The following PCDHGB7 variants were observed in gnomAD, a reference collection of about 807,000 sequenced individuals.
PCDHGB7 encodes the protein protocadherin gamma subfamily B, 7, also known as protocadherin gamma-B7.
In PCDHGB7, 37 loss-of-function variants were observed where a neutral mutation model predicts 61.4. The ratio of observed to expected loss-of-function variants is 0.60; its 90% CI spans 0.46 to 0.79. PCDHGB7 has a LOEUF of 0.79. PCDHGB7 is among the 30% of genes least tolerant of loss of function. The pLI is 0.00. For missense variants in PCDHGB7, 1,166 were observed against 1,202.5 expected, an observed-to-expected ratio of 0.97 and a Z score of 0.45; for synonymous variants, 464 against 503.5, an observed-to-expected ratio of 0.92 and a Z score of 1.05.
At chr5:141,460,335 T>C (rs1201595717) in intron 1 of PCDHGB7, among the ~76,000 whole-genome samples, 3 of 152,194 alleles carry the variant, frequency 2.0e-5, no homozygotes, top group Non-Finnish European at 4.4e-5. Flanking sequence ...CTTATGATGA[T>C]TTTCTCCTAT....
chr5:141,445,376 A>T (rs1182418123), intron 1 of PCDHGB7, among the ~76,000 whole-genome samples: 1 of 152,220 alleles, frequency 6.6e-6, no homozygotes, highest in Non-Finnish European at 1.5e-5. Context: ...TGGGTGGTTC[A>T]TTCATTCATT....
chr5:141,467,775 C>T (rs1464827506), intron 1 of PCDHGB7, among the ~76,000 whole-genome samples: 1 of 151,960 alleles, frequency 6.6e-6, no homozygotes, highest in Non-Finnish European at 1.5e-5. Context: ...GCCCGCACCT[C>T]AGCCTCTCAA....
chr5:141,502,535 G>A (rs910160644), intron 2 of PCDHGB7, among the ~76,000 whole-genome samples: 14 of 152,172 alleles, frequency 9.2e-5, no homozygotes, highest in South Asian at 2.1e-4. Flanking sequence ...GAGTTTGTTC[G>A]TGTGGTAAAA....
At chr5:141,433,422 A>G (rs1172678396) in intron 1 of PCDHGB7, among the ~76,000 whole-genome samples, 1 of 150,646 alleles carries the variant, frequency 6.6e-6, no homozygotes, top group Admixed American at 6.6e-5. Context: ...TCTTGTACAG[A>G]CAGGAGTCTC....
Position 141,491,300 on chromosome 5 carries a change from G to A in PCDHGB7, c.2416-3507G>A, listed in dbSNP as rs2099710472. On this transcript the variant is annotated intron_variant, in intron 1 of 3. Coordinates refer to ENST00000398594, the MANE Select transcript of PCDHGB7 (RefSeq NM_018927.4). This position sits in a 1 kb window ranked among gnomAD's most constrained non-coding sequence, Gnocchi z 6.9. ...GACTTCCTCATACACCCTCCTGAGC[G>A]TTCAGACCTTACCCTTTACCTCATT... 1 of 1,614,136 alleles carries A rather than the reference G, an allele frequency of 6.2e-7. No homozygotes were observed. The highest frequency in any genetic ancestry group is 1.1e-5 in the South Asian group (1 of 91,086).
At chr5:141,478,338 C>T in intron 1 of PCDHGB7, 2 of 1,613,936 alleles carry the variant, frequency 1.2e-6, no homozygotes, top group South Asian at 1.1e-5. Flanking sequence ...CCAGGGCCCT[C>T]CTTGCACGCG....
At chr5:141,495,278 C>A (rs2099760057) in intron 2 of PCDHGB7, among the ~76,000 whole-genome samples, 1 of 152,174 alleles carries the variant, frequency 6.6e-6, no homozygotes, top group Non-Finnish European at 1.5e-5. Context: ...CCGGAGGAGG[C>A]GGTCCGCACT....
At chr5:141,423,089 G>A in intron 1 of PCDHGB7, 1 of 1,614,016 alleles carries the variant, frequency 6.2e-7, no homozygotes, top group Non-Finnish European at 8.5e-7. Flanking sequence ...TTCGCGGTGG[G>A]GGAGCACACG....
In PCDHGB7 at chr5:141,491,893, G is replaced by C. The variant is rs2099734820; in HGVS notation, c.2416-2914G>C. The C allele has an allele frequency of 6.9e-7, 1 of 1,438,856 alleles. No individual in the cohort carries two copies. The highest frequency in any genetic ancestry group is 9.2e-7 in the Non-Finnish European group (1 of 1,088,104). 89.1% of individuals were successfully genotyped at this position (1,438,856 alleles called of 1,614,324 possible). A position where few individuals can be genotyped will look rare whatever the true frequency, so the allele number is the denominator to read the frequency against. ...GGCCGATTAAGGGATGGGGCTCCGA[G>C]CACCGGGGGTGGTGGCGACTGTGGG... On this transcript the variant is annotated intron_variant, in intron 1 of 3. Coordinates refer to ENST00000398594, the MANE Select transcript of PCDHGB7 (RefSeq NM_018927.4). The surrounding 1 kb of genome is among the most constrained non-coding windows in gnomAD (Gnocchi z 6.9).
chr5:141,505,277 G>A, intron 2 of PCDHGB7, 116 bp from the exon 3 acceptor site: 1 of 1,539,958 alleles, frequency 6.5e-7, no homozygotes, highest in African/African-American at 1.4e-5. Context: ...AGAGAAACAG[G>A]TCTTGGGCAT....
rs776990176 is a variant in PCDHGB7 at position 141,485,136 on chromosome 5, C to A, written c.2416-9671C>A. ...GTTTGGGGCGGGTCGGCTTCATCCG[C>A]GTCTCAGGAGCAAGTAGAGAATTAG... On this transcript the variant is annotated intron_variant, in intron 1 of 3. Transcript: ENST00000398594. The surrounding 1 kb of genome is among the most constrained non-coding windows in gnomAD (Gnocchi z 5.7). The A allele has an allele frequency of 4.0e-6, 6 of 1,502,706 alleles. No individual in the cohort carries two copies. The South Asian group carries it at 5.9e-5, about 15-fold the overall frequency. The allele number at this position is 1,502,706 out of a possible 1,614,324, so 93.1% of individuals were successfully genotyped here.
At chr5:141,430,918 G>T (rs766412276) in intron 1 of PCDHGB7, 2 of 1,607,866 alleles carry the variant, frequency 1.2e-6, no homozygotes, top group South Asian at 2.2e-5. Context: ...GGGACCTGGG[G>T]CTGGAGCCCC....
At chr5:141,483,534 G>C (rs754118568) in intron 1 of PCDHGB7, among the ~76,000 whole-genome samples, 1 of 152,102 alleles carries the variant, frequency 6.6e-6, no homozygotes, top group Non-Finnish European at 1.5e-5. Flanking sequence ...AAGGAAGCTG[G>C]GTGGTTGACA....
chr5:141,454,503 T>A (rs988138847), intron 1 of PCDHGB7, among the ~76,000 whole-genome samples: 1 of 152,308 alleles, frequency 6.6e-6, no homozygotes, highest in Non-Finnish European at 1.5e-5. Flanking sequence ...ACCTCCTGGA[T>A]TCAGGCAGTT....
rs199552905 is a variant in PCDHGB7 at position 141,423,400 on chromosome 5, C to A, written c.2415+3126C>A. On this transcript the variant is annotated intron_variant, in intron 1 of 3. Transcript: ENST00000398594. Reference sequence around the variant, plus strand: ...GCTGTGGCGCTGGCATAAGTCACGCCTGCTGCAGGCTTCTGAAGGCGGGTT... The same window carrying A: ...GCTGTGGCGCTGGCATAAGTCACGCATGCTGCAGGCTTCTGAAGGCGGGTT... 62 of 1,614,152 alleles carry A rather than the reference C, an allele frequency of 3.8e-5. No homozygotes were observed. The African/African-American group carries it at 6.9e-4, about 18-fold the overall frequency.
At chr5:141,421,966 G>A in intron 1 of PCDHGB7, 1 of 1,610,918 alleles carries the variant, frequency 6.2e-7, no homozygotes, top group Non-Finnish European at 8.5e-7. Flanking sequence ...TACACAGTCC[G>A]TATATCGCGT....
At chr5:141,464,430 T>C (rs1213919443) in intron 1 of PCDHGB7, among the ~76,000 whole-genome samples, 1 of 151,680 alleles carries the variant, frequency 6.6e-6, no homozygotes, top group Non-Finnish European at 1.5e-5. Flanking sequence ...TATATAGATA[T>C]ATATGTTTGT....
In PCDHGB7 at chr5:141,422,867, T is replaced by C. The variant is rs116031289; in HGVS notation, c.2415+2593T>C. On this transcript the variant is annotated intron_variant, in intron 1 of 3. Coordinates refer to ENST00000398594, the MANE Select transcript of PCDHGB7 (RefSeq NM_018927.4). Reference sequence around the variant, plus strand: ...GGGGACCCGCCCCTCAGCAGCAACGTGTCGCTGAGCCTGTTCGTGCTGGAC... The same window carrying C: ...GGGGACCCGCCCCTCAGCAGCAACGCGTCGCTGAGCCTGTTCGTGCTGGAC... 1.5e-3 allele frequency: 2,464 copies of C among 1,614,218 alleles called. 37 individuals are homozygous for C. In the African/African-American group the frequency reaches 0.029, roughly 19 times the overall value.
chr5:141,488,677 G>A (rs2099678276), intron 1 of PCDHGB7, among the ~76,000 whole-genome samples: 2 of 152,184 alleles, frequency 1.3e-5, no homozygotes, highest in African/African-American at 2.4e-5. Context: ...CATGGGCTTT[G>A]CCTCTCCCAG....
Sources: allele counts gnomAD v4.1 joint callset (sites outside exome capture counted in the v4.1 genomes callset), GRCh38; gene constraint gnomAD v4.1.1; non-coding constraint Gnocchi (gnomAD v3.1); transcripts MANE v1.5; gene names NCBI Gene and HGNC (gene_info 2026-07-23, HGNC 2026-07-21).